GTF2I: variants seen among roughly 807,000 people sequenced by gnomAD.
GTF2I encodes general transcription factor IIi.
In GTF2I, 12 loss-of-function variants were observed where a neutral mutation model predicts 67.6. The ratio of observed to expected loss-of-function variants is 0.18; its 90% CI spans 0.11 to 0.29. The LOEUF (loss-of-function observed/expected upper bound fraction) is 0.29, where lower values mean the gene tolerates loss of function less well. GTF2I is among the 10% of genes least tolerant of loss of function. The probability of loss-of-function intolerance (pLI) is 1.00; values close to 1 mark genes in which losing one functional copy is unlikely to be tolerated. For missense variants in GTF2I, 271 were observed against 580.1 expected, an observed-to-expected ratio of 0.47 and a Z score of 5.47; for synonymous variants, 149 against 197.0, an observed-to-expected ratio of 0.76 and a Z score of 2.04.
At chr7:74,682,064 T>C (rs898513583) in intron 1 of GTF2I, among the ~76,000 whole-genome samples, 3 of 152,194 alleles carry the variant, frequency 2.0e-5, no homozygotes, top group African/African-American at 4.8e-5. Context: ...TAATGACTTA[T>C]TTTGTGGTTT....
At chr7:74,687,098 C>G (rs1311893764) in intron 1 of GTF2I, among the ~76,000 whole-genome samples, 1 of 151,966 alleles carries the variant, frequency 6.6e-6, no homozygotes, top group Non-Finnish European at 1.5e-5. Flanking sequence ...GCCACATTGC[C>G]CAGGATGGTC....
chr7:74,673,413 G>C (rs1432668431), intron 1 of GTF2I, among the ~76,000 whole-genome samples: 1 of 151,968 alleles, frequency 6.6e-6, no homozygotes, highest in Non-Finnish European at 1.5e-5. Context: ...TTTCTCTCTT[G>C]TTGCCCAGGC....
chr7:74,701,819 A>G (rs1789810633), intron 6 of GTF2I, among the ~76,000 whole-genome samples: 1 of 152,282 alleles, frequency 6.6e-6, no homozygotes, highest in African/African-American at 2.4e-5. Context: ...CAATCTTAAA[A>G]TGTTTTTAAG....
chr7:74,671,983 C>CA lies in GTF2I; in HGVS notation c.-6+13926dup, dbSNP rs879974907. Among the ~76,000 whole-genome samples, 726 of 143,996 alleles carry CA rather than the reference C, an allele frequency of 5.0e-3. 6 individuals are homozygous for CA. Among genetic ancestry groups the CA allele is most frequent in the Non-Finnish European group, 7.2e-3 (472 of 65,618 alleles). 94.5% of individuals were successfully genotyped at this position (143,996 alleles called of 152,430 possible). A position where few individuals can be genotyped will look rare whatever the true frequency, so the allele number is the denominator to read the frequency against. On this transcript the variant is annotated intron_variant, in intron 1 of 34. Transcript: ENST00000573035. ...TGGGTGACAGAGCAAGACCCTGTCTCAAAAAAAAAAATTCAAACCCTTGAT... is the reference window on the plus strand; with the variant it reads ...TGGGTGACAGAGCAAGACCCTGTCTCAAAAAAAAAAAATTCAAACCCTTGAT...
chr7:74,688,542 C>T (rs1173396028), intron 1 of GTF2I, among the ~76,000 whole-genome samples: 2 of 152,030 alleles, frequency 1.3e-5, no homozygotes, highest in Admixed American at 6.6e-5. Flanking sequence ...CTGCAGCCTC[C>T]GCCTCCTGGG....
chr7:74,706,230 T>C lies in GTF2I; in HGVS notation c.642-160T>C, dbSNP rs587735579. Among the ~76,000 whole-genome samples the C allele has an allele frequency of 9.5e-4, 145 of 152,378 alleles. 1 individual carries two copies. Among genetic ancestry groups the C allele is most frequent in the African/African-American group, 3.2e-3 (133 of 41,600 alleles). ...ACTGTGCCCGGCCCAATAACTCTTA[T>C]TTATGCAATAAATAAATATGTCAGT... On this transcript the variant is annotated intron_variant, in intron 7 of 34. Transcript: ENST00000573035.
In GTF2I at chr7:74,691,187, A is replaced by ATTTTC. The variant is rs1554396958; in HGVS notation, c.238+80_238+84dup. 3 of 950,376 alleles carry ATTTTC rather than the reference A, an allele frequency of 3.2e-6. No homozygotes were observed. The Admixed American group carries it at 9.0e-5, about 29-fold the overall frequency. The allele number at this position is 950,376 out of a possible 1,614,324, so 58.9% of individuals were successfully genotyped here. On this transcript the variant is annotated intron_variant, in intron 3 of 34. Transcript: ENST00000573035. ...ATTTGTAGGTAAGACAAGTTATATT[A>ATTTTC]TTTTCTTTCTTTCTTTCTTTCTTTT...
At position 74,689,233 on chromosome 7, in the gene GTF2I, G is replaced by T; in HGVS notation, c.99+6G>T. 1 of 1,519,938 alleles carries T rather than the reference G, an allele frequency of 6.6e-7. No individual in the cohort carries two copies. 94.2% of individuals were successfully genotyped at this position (1,519,938 alleles called of 1,614,324 possible). A position where few individuals can be genotyped will look rare whatever the true frequency, so the allele number is the denominator to read the frequency against. ...TGTCAGCTCTCGAGTCCATGGTGAG[G>T]CCTTCTGTTCCATCATTCCATAGTT... On this transcript the variant is annotated splice_donor_region_variant and intron_variant, in intron 2 of 34. Transcript: ENST00000573035.
intron 12 of GTF2I, among the ~76,000 whole-genome samples, chr7:74,721,839 A>C (rs1793046060): frequency 6.6e-6 from 1 of 152,090 alleles, no homozygotes; most frequent in African/African-American, 2.4e-5. Flanking sequence ...AAGATCTCTA[A>C]TATAAAATGT....
intron 10 of GTF2I, 24 bp downstream of exon 10, chr7:74,714,940 T>C (rs1792076909): frequency 7.0e-7 from 1 of 1,437,158 alleles, no homozygotes; most frequent in Non-Finnish European, 9.7e-7. Context: ...ACTTCCATTC[T>C]CCCACATACT....
chr7:74,658,983 G>T (rs1205710834), intron 1 of GTF2I, among the ~76,000 whole-genome samples: 5 of 152,138 alleles, frequency 3.3e-5, no homozygotes, highest in African/African-American at 1.2e-4. Flanking sequence ...CTAGGTTATG[G>T]ATTTGCGCTG....
At chr7:74,671,605 T>C (rs1414401164) in intron 1 of GTF2I, among the ~76,000 whole-genome samples, 1 of 152,146 alleles carries the variant, frequency 6.6e-6, no homozygotes, top group Non-Finnish European at 1.5e-5. Flanking sequence ...ATTTGTTATT[T>C]ATTGATGTAA....
chr7:74,731,856 A>G (rs587747912), intron 14 of GTF2I, among the ~76,000 whole-genome samples: 157 of 150,922 alleles, frequency 1.0e-3, no homozygotes, highest in African/African-American at 3.4e-3. Flanking sequence ...CATGTTTTCT[A>G]TTGGTTCATT....
At chr7:74,668,377 T>C (rs1395865641) in intron 1 of GTF2I, among the ~76,000 whole-genome samples, 2 of 151,316 alleles carry the variant, frequency 1.3e-5, no homozygotes, top group African/African-American at 4.9e-5. Context: ...TATATATAAT[T>C]ATATTATGGT....
intron 1 of GTF2I, among the ~76,000 whole-genome samples, chr7:74,686,579 C>T (rs782327468): frequency 2.6e-5 from 4 of 152,128 alleles, no homozygotes; most frequent in Non-Finnish European, 4.4e-5. Flanking sequence ...TGAAAGTGTA[C>T]GCTAAGTGAA....
chr7:74,725,679 T>G (rs587762747), intron 12 of GTF2I, among the ~76,000 whole-genome samples: 20 of 152,220 alleles, frequency 1.3e-4, no homozygotes, highest in South Asian at 8.3e-4. Context: ...GACCCTGTCT[T>G]AAAAAATAAA....
chr7:74,690,873 A>G, intron 2 of GTF2I, 100 bp from the exon 3 acceptor site: 8 of 1,086,488 alleles, frequency 7.4e-6, no homozygotes, highest in Admixed American at 2.5e-5. Flanking sequence ...TTGAAAGAGA[A>G]GTACCTTTAA....
At chr7:74,749,748 C>T (rs1292133606) in intron 26 of GTF2I, among the ~76,000 whole-genome samples, 2 of 148,286 alleles carry the variant, frequency 1.3e-5, no homozygotes, top group African/African-American at 2.5e-5. Context: ...ATTAGCTGGG[C>T]GTGGTGGCAC....
At chr7:74,718,986 T>TA in intron 12 of GTF2I, 45 bp downstream of exon 12, 1 of 956,710 alleles carries the variant, frequency 1.0e-6, no homozygotes, top group South Asian at 1.5e-5. Flanking sequence ...CTTCTGGTCA[T>TA]AAAAATACTT....
Sources: allele counts gnomAD v4.1 joint callset (sites outside exome capture counted in the v4.1 genomes callset), GRCh38; gene constraint gnomAD v4.1.1; transcripts MANE v1.5; gene names NCBI Gene and HGNC (gene_info 2026-07-23, HGNC 2026-07-21).